Variants in PRKN observed in about 807,000 individuals in gnomAD.
PRKN encodes the protein parkin RBR E3 ubiquitin protein ligase.
PRKN carries 56 observed loss-of-function variants against 59.5 expected under a neutral mutation model. That is an observed-to-expected ratio of 0.94 (90% CI 0.76 to 1.18). The LOEUF is 1.18. Ranked by LOEUF, PRKN falls within the 50% of genes most tolerant of loss-of-function variation. The probability of loss-of-function intolerance (pLI) is 0.00; values close to 1 mark genes in which losing one functional copy is unlikely to be tolerated. For missense variants in PRKN, 657 were observed against 596.4 expected, an observed-to-expected ratio of 1.10 and a Z score of -1.06; for synonymous variants, 250 against 222.1, an observed-to-expected ratio of 1.13 and a Z score of -1.12.
intron 7 of PRKN, among the ~76,000 whole-genome samples, chr6:161,617,567 T>G (rs1386642714): frequency 2.0e-5 from 3 of 152,264 alleles, no homozygotes; most frequent in Non-Finnish European, 4.4e-5. Flanking sequence ...ATACAGTGTA[T>G]GGGACCAGGA....
chr6:162,647,359 A>G (rs1778226994), intron 1 of PRKN, among the ~76,000 whole-genome samples: 1 of 152,108 alleles, frequency 6.6e-6, no homozygotes, highest in South Asian at 2.1e-4. Flanking sequence ...GAAAAAACAT[A>G]TTAGGTCAGA....
At position 161,390,248 on chromosome 6, in the gene PRKN, C is replaced by T. The variant is rs1786446302; in HGVS notation, c.1084-3371G>A. ...AGTTCTCACACTACGCACCAGAGTG[C>T]CCTGCGGTACTGTAACAAACTCACA... On this transcript the variant is annotated intron_variant, in intron 9 of 11. Coordinates refer to ENST00000366898, the MANE Select transcript of PRKN (RefSeq NM_004562.3). This position sits in a 1 kb window ranked among gnomAD's most constrained non-coding sequence, Gnocchi z 7.0. 6.6e-6 allele frequency among the ~76,000 whole-genome samples: 1 copy of T among 152,164 alleles called. No homozygotes were observed. The highest frequency in any genetic ancestry group is 6.5e-5 in the Admixed American group (1 of 15,274).
intron 1 of PRKN, among the ~76,000 whole-genome samples, chr6:162,464,350 TA>T (rs1488435048): frequency 1.3e-5 from 2 of 152,162 alleles, no homozygotes; most frequent in Non-Finnish European, 2.9e-5. Flanking sequence ...GCCCTGTAAT[TA>T]AGTGATAAAG....
intron 6 of PRKN, among the ~76,000 whole-genome samples, chr6:161,908,256 G>A (rs1486028565): frequency 6.6e-6 from 1 of 152,132 alleles, no homozygotes; most frequent in Non-Finnish European, 1.5e-5. Flanking sequence ...CAGATTTCCG[G>A]TACATGGACG....
rs1785831858 is a variant in PRKN, at chr6:161,378,629, G to C, written c.1167+8165C>G. Among the ~76,000 whole-genome samples the C allele has an allele frequency of 6.6e-6, 1 of 152,216 alleles. No homozygotes were observed. Among genetic ancestry groups the C allele is most frequent in the Non-Finnish European group, 1.5e-5 (1 of 68,032 alleles). ...GGCACCCTGCATGGCACTGCATTGT[G>C]TCCCAGTGGGTGCATACCCATGGGA... On this transcript the variant is annotated intron_variant, in intron 10 of 11. Coordinates refer to ENST00000366898, the MANE Select transcript of PRKN (RefSeq NM_004562.3). The surrounding 1 kb of genome is among the most constrained non-coding windows in gnomAD (Gnocchi z 7.3).
chr6:162,525,646 C>T (rs1386516589), intron 1 of PRKN, among the ~76,000 whole-genome samples: 1 of 152,098 alleles, frequency 6.6e-6, no homozygotes, highest in African/African-American at 2.4e-5. Context: ...TTAAATGCAG[C>T]CCCACGAGTC....
chr6:162,041,300 G>A (rs1186639185), intron 5 of PRKN, among the ~76,000 whole-genome samples: 1 of 152,144 alleles, frequency 6.6e-6, no homozygotes, highest in South Asian at 2.1e-4. Flanking sequence ...TCATGAGTTC[G>A]TCTCTTTAAG....
chr6:162,598,618 C>G (rs951507753), intron 1 of PRKN, among the ~76,000 whole-genome samples: 1 of 151,964 alleles, frequency 6.6e-6, no homozygotes, highest in Non-Finnish European at 1.5e-5. Context: ...TTTGGGAGGT[C>G]GAGGCGGGCG....
chr6:162,696,559 C>CT (rs748055251), intron 1 of PRKN, among the ~76,000 whole-genome samples: 32,751 of 107,452 alleles, frequency 0.3, 6,327 homozygotes, highest in Non-Finnish European at 0.34. Flanking sequence ...TCAGGAAAAA[C>CT]TTTTTTTTTT....
At chr6:162,163,540 T>C in intron 4 of PRKN, among the ~76,000 whole-genome samples, 1 of 149,342 alleles carries the variant, frequency 6.7e-6, no homozygotes, top group East Asian at 1.9e-4. Flanking sequence ...GGTAATGCTT[T>C]CCAGCGATGA....
intron 6 of PRKN, among the ~76,000 whole-genome samples, chr6:161,877,167 A>C (rs547991716): frequency 6.6e-6 from 1 of 152,144 alleles, no homozygotes; most frequent in African/African-American, 2.4e-5. Flanking sequence ...TTTCTGATGC[A>C]GGTGTGCACA....
chr6:161,948,278 C>T (rs529384877), intron 6 of PRKN, among the ~76,000 whole-genome samples: 33 of 152,110 alleles, frequency 2.2e-4, no homozygotes, highest in South Asian at 6.2e-4. Context: ...TGAGCCACCG[C>T]GCCCGGTTGA....
intron 7 of PRKN, among the ~76,000 whole-genome samples, chr6:161,605,037 C>A (rs1462794777): frequency 1.3e-5 from 2 of 152,114 alleles, no homozygotes; most frequent in Non-Finnish European, 2.9e-5. Context: ...TAAAAAATAA[C>A]ATAAATTAGA....
Position 162,463,531 on chromosome 6 carries a change from G to A in PRKN, c.8-20058C>T, listed in dbSNP as rs114092345. 2.5e-3 allele frequency among the ~76,000 whole-genome samples: 387 copies of A among 152,204 alleles called. 2 individuals carry two copies. The highest frequency in any genetic ancestry group is 8.7e-3 in the African/African-American group (361 of 41,542). On this transcript the variant is annotated intron_variant, in intron 1 of 11. Coordinates refer to ENST00000366898, the MANE Select transcript of PRKN (RefSeq NM_004562.3). ...CTTCCTGTCTGTCATAAAAGATTCGGGTTCCCTGAGCTCCGGGTTCCTCTC... is the reference window on the plus strand; with the variant it reads ...CTTCCTGTCTGTCATAAAAGATTCGAGTTCCCTGAGCTCCGGGTTCCTCTC...
chr6:162,316,853 T>C (rs1403214980), intron 2 of PRKN, among the ~76,000 whole-genome samples: 1 of 152,164 alleles, frequency 6.6e-6, no homozygotes, highest in Non-Finnish European at 1.5e-5. Flanking sequence ...TTGGCATATA[T>C]TGCCTGTGCT....
At chr6:162,244,814 G>A (rs1779134490) in intron 3 of PRKN, among the ~76,000 whole-genome samples, 1 of 151,992 alleles carries the variant, frequency 6.6e-6, no homozygotes, top group African/African-American at 2.4e-5. Flanking sequence ...ATGGAATTTT[G>A]AATCAAAAGA....
At chr6:161,902,494 GGT>G (rs200898248) in intron 6 of PRKN, among the ~76,000 whole-genome samples, 35 of 150,230 alleles carry the variant, frequency 2.3e-4, no homozygotes, top group African/African-American at 8.6e-4. Context: ...TAGAGTCACT[GGT>G]GTGTGTGTGT....
chr6:161,453,172 T>C lies in PRKN; in HGVS notation c.1084-66295A>G, dbSNP rs940221739. Reference sequence around the variant, plus strand: ...GGAATATTCAATCCTTTATAGCCAATGAGGGCCTGAGCCTTGAACCAGTGA... The same window carrying C: ...GGAATATTCAATCCTTTATAGCCAACGAGGGCCTGAGCCTTGAACCAGTGA... On this transcript the variant is annotated intron_variant, in intron 9 of 11. Coordinates refer to ENST00000366898, the MANE Select transcript of PRKN (RefSeq NM_004562.3). 1.5e-4 allele frequency among the ~76,000 whole-genome samples: 23 copies of C among 152,202 alleles called. 1 individual carries two copies. Among genetic ancestry groups the C allele is most frequent in the African/African-American group, 5.5e-4 (23 of 41,444 alleles).
intron 1 of PRKN, among the ~76,000 whole-genome samples, chr6:162,468,326 G>A (rs887308022): frequency 6.6e-6 from 1 of 152,162 alleles, no homozygotes; most frequent in Non-Finnish European, 1.5e-5. Flanking sequence ...TGTATCCTGA[G>A]TGGCACCCAG....
Sources: allele counts gnomAD v4.1 joint callset (sites outside exome capture counted in the v4.1 genomes callset), GRCh38; gene constraint gnomAD v4.1.1; non-coding constraint Gnocchi (gnomAD v3.1); transcripts MANE v1.5; gene names NCBI Gene and HGNC (gene_info 2026-07-23, HGNC 2026-07-21).